Variants in GAN observed in about 807,000 individuals in gnomAD.
GAN encodes the protein gigaxonin, also known as epididymis secretory sperm binding protein.
In GAN, 48 loss-of-function variants were observed where a neutral mutation model predicts 71.3. That is an observed-to-expected ratio of 0.67 (90% CI 0.53 to 0.86). The LOEUF (loss-of-function observed/expected upper bound fraction) is 0.86, where lower values mean the gene tolerates loss of function less well. GAN is among the 40% of genes least tolerant of loss of function. The pLI is 0.00. For synonymous variants in GAN, 386 were observed against 276.8 expected (o/e 1.39, Z -3.92); for missense variants, 928 against 770.1 (o/e 1.21, Z -2.43).
At chr16:81,331,950 G>A (rs538449411) in intron 1 of GAN, among the ~76,000 whole-genome samples, 2 of 152,006 alleles carry the variant, frequency 1.3e-5, no homozygotes, top group Non-Finnish European at 2.9e-5. Flanking sequence ...ATCACCTGAG[G>A]TCGGGAGTTT....
chr16:81,329,036 C>T (rs1024087626), intron 1 of GAN, among the ~76,000 whole-genome samples: 2 of 152,098 alleles, frequency 1.3e-5, no homozygotes, highest in Non-Finnish European at 2.9e-5. Context: ...CTCTGAAGGT[C>T]ATGTTTAAAA....
intron 1 of GAN, among the ~76,000 whole-genome samples, chr16:81,320,741 T>C (rs1909196620): frequency 6.6e-6 from 1 of 152,196 alleles, no homozygotes; most frequent in Admixed American, 6.5e-5. Context: ...ACATTACCTG[T>C]TCCTTGTACT....
chr16:81,337,483 G>C lies in GAN; in HGVS notation c.168-14100G>C, dbSNP rs142418281. On this transcript the variant is annotated intron_variant, in intron 1 of 10. Coordinates refer to ENST00000648994, the MANE Select transcript of GAN (RefSeq NM_022041.4). ...TCACTGTTATGTCAAGCCCCATTCA[G>C]TCACGTCTAAAATGATTCTTGGAAG... Among the ~76,000 whole-genome samples the C allele has an allele frequency of 7.9e-4, 120 of 152,314 alleles. 1 individual carries two copies. Among genetic ancestry groups the C allele is most frequent in the African/African-American group, 2.7e-3 (113 of 41,546 alleles).
rs532314268 is a variant in GAN, at chr16:81,380,925, T to C, written c.*3329T>C. 1 of 152,354 alleles carries C rather than the reference T, an allele frequency of 6.6e-6. No homozygotes were observed. The highest frequency in any genetic ancestry group is 1.5e-5 in the Non-Finnish European group (1 of 68,020). 9.4% of individuals were successfully genotyped at this position (152,354 alleles called of 1,614,324 possible). The stretch of plus-strand genomic sequence containing the variant: ...ATTGATAGCTAACTGTAGGCTTTTT[T>C]CAAACTGTATAACAACCAAAAAGGA... On this transcript the variant is annotated 3_prime_UTR_variant, in exon 11 of 11. Transcript: ENST00000648994.
At chr16:81,343,217 C>T (rs1039399243) in intron 1 of GAN, among the ~76,000 whole-genome samples, 1 of 152,202 alleles carries the variant, frequency 6.6e-6, no homozygotes, top group Admixed American at 6.5e-5. Flanking sequence ...ACCATTCCTT[C>T]TGAAACTATT....
intron 9 of GAN, among the ~76,000 whole-genome samples, chr16:81,368,870 G>A (rs543634848): frequency 1.3e-5 from 2 of 152,340 alleles, no homozygotes; most frequent in East Asian, 3.9e-4. Flanking sequence ...TTTGCTCAGA[G>A]TTTTTGATTG....
At chr16:81,328,549 G>C (rs1159255823) in intron 1 of GAN, among the ~76,000 whole-genome samples, 3 of 152,124 alleles carry the variant, frequency 2.0e-5, no homozygotes, top group Non-Finnish European at 2.9e-5. Flanking sequence ...CTATATCCCA[G>C]ATCTGAAGAT....
chr16:81,355,061 C>T (rs112997488), intron 3 of GAN, among the ~76,000 whole-genome samples: 196 of 152,280 alleles, frequency 1.3e-3, no homozygotes, highest in African/African-American at 4.4e-3. Context: ...AACGCAGTAT[C>T]CCCACCCTTG....
At chr16:81,322,967 G>A (rs1909266568) in intron 1 of GAN, among the ~76,000 whole-genome samples, 1 of 152,166 alleles carries the variant, frequency 6.6e-6, no homozygotes, top group South Asian at 2.1e-4. Flanking sequence ...GGATTTTGAA[G>A]GACAATGAAA....
At chr16:81,354,370 C>G (rs762920457) in intron 2 of GAN, 35 bp from the exon 3 acceptor site, 8 of 1,338,538 alleles carry the variant, frequency 6.0e-6, no homozygotes, top group African/African-American at 1.4e-5. Context: ...TAAATGTACA[C>G]ATTCAAATAT....
chr16:81,357,729 T>G (rs1474643589), intron 4 of GAN, 81 bp from the exon 5 acceptor site: 1 of 1,292,544 alleles, frequency 7.7e-7, no homozygotes, highest in Admixed American at 1.7e-5. Context: ...TATTCTTTAG[T>G]AAACTAAAAC....
In GAN at chr16:81,388,972, T is replaced by C. The variant is rs935082805; in HGVS notation, c.*11376T>C. 13 of 152,230 alleles carry C rather than the reference T, an allele frequency of 8.5e-5. No homozygotes were observed. The highest frequency in any genetic ancestry group is 3.1e-4 in the African/African-American group (13 of 41,468). The allele number at this position is 152,230 out of a possible 1,614,324, so 9.4% of individuals were successfully genotyped here. A position where few individuals can be genotyped will look rare whatever the true frequency, so the allele number is the denominator to read the frequency against. ...CTCATTGAAATTGACTTATGTTTTA[T>C]TTTAAAAAATCATGTAGGATCTGGT... On this transcript the variant is annotated 3_prime_UTR_variant, in exon 11 of 11. Coordinates refer to ENST00000648994, the MANE Select transcript of GAN (RefSeq NM_022041.4).
intron 3 of GAN, among the ~76,000 whole-genome samples, chr16:81,356,048 C>G (rs1044967232): frequency 1.3e-5 from 2 of 152,184 alleles, no homozygotes; most frequent in African/African-American, 4.8e-5. Flanking sequence ...AGCTTCCGTC[C>G]TGCCCTCTTC....
chr16:81,358,855 TC>T (rs1198708359), intron 5 of GAN, among the ~76,000 whole-genome samples: 3 of 152,202 alleles, frequency 2.0e-5, no homozygotes, highest in Non-Finnish European at 2.9e-5. Flanking sequence ...ATAAGTGTCA[TC>T]TCATGTCATC....
Position 81,331,085 on chromosome 16 carries a change from G to T in GAN, c.167+15805G>T, listed in dbSNP as rs139714136. On this transcript the variant is annotated intron_variant, in intron 1 of 10. Transcript: ENST00000648994. ...CCAGGCATGGTGGCGCACACCTGTA[G>T]TCCCAGCCACTCAGAAGGCTGAGGG... is the stretch of plus-strand genomic sequence containing the variant. 7.8e-4 allele frequency among the ~76,000 whole-genome samples: 119 copies of T among 152,268 alleles called. 1 individual carries two copies. Among genetic ancestry groups the T allele is most frequent in the African/African-American group, 2.7e-3 (112 of 41,542 alleles).
At chr16:81,323,171 A>T (rs1597388502) in intron 1 of GAN, among the ~76,000 whole-genome samples, 1 of 152,146 alleles carries the variant, frequency 6.6e-6, no homozygotes, top group Non-Finnish European at 1.5e-5. Context: ...TGGTACAGGG[A>T]TTTGACACTT....
chr16:81,350,371 A>G (rs1910259190), intron 1 of GAN, among the ~76,000 whole-genome samples: 1 of 152,212 alleles, frequency 6.6e-6, no homozygotes, highest in African/African-American at 2.4e-5. Flanking sequence ...AATGTTGTAG[A>G]GTTTATGAAT....
chr16:81,327,178 G>A (rs780565502), intron 1 of GAN, among the ~76,000 whole-genome samples: 2 of 152,228 alleles, frequency 1.3e-5, no homozygotes, highest in African/African-American at 2.4e-5. Flanking sequence ...TAGCTCTGAT[G>A]AGAGAGCGTT....
rs143292206 is a variant in GAN at position 81,322,021 on chromosome 16, T to C, written c.167+6741T>C. On this transcript the variant is annotated intron_variant, in intron 1 of 10. Coordinates refer to ENST00000648994, the MANE Select transcript of GAN (RefSeq NM_022041.4). Reference sequence around the variant, plus strand: ...GACACTCTACCAGAGTTCCTGATTCTGGTGCTTGGAAGAGCAGAGTTAAAT... The same window carrying C: ...GACACTCTACCAGAGTTCCTGATTCCGGTGCTTGGAAGAGCAGAGTTAAAT... 9.4e-3 allele frequency among the ~76,000 whole-genome samples: 1,426 copies of C among 152,318 alleles called. 9 individuals are homozygous for C. Among genetic ancestry groups the C allele is most frequent in the Middle Eastern group, 0.031 (9 of 294 alleles).
Sources: gnomAD v4.1 joint callset for allele counts (sites outside exome capture counted in the v4.1 genomes callset) on GRCh38, gnomAD v4.1.1 for gene constraint, MANE v1.5 for transcripts, NCBI Gene and HGNC (gene_info 2026-07-23, HGNC 2026-07-21) for gene names.